INPP4B: variants seen among roughly 807,000 people sequenced by gnomAD.
The protein encoded by INPP4B is inositol polyphosphate 4-phosphatase type II.
In INPP4B, 55 loss-of-function variants were observed where a neutral mutation model predicts 122.5. That is an observed-to-expected ratio of 0.45 (90% CI 0.36 to 0.56). The LOEUF (loss-of-function observed/expected upper bound fraction) is 0.56, where lower values mean the gene tolerates loss of function less well. INPP4B is among the 20% of genes least tolerant of loss of function. INPP4B has a pLI of 0.00. For synonymous variants in INPP4B, 403 were observed against 388.7 expected (o/e 1.04, Z -0.43); for missense variants, 1,000 against 1,097.7 (o/e 0.91, Z 1.26).
chr4:142,063,863 C>G lies in INPP4B; in HGVS notation c.2642+18168G>C, dbSNP rs1762230583. ...TAAAGCATACTGCAAAGAAATGTGA[C>G]TTTCTTTTACCTTGCCATAAATAGA... On this transcript the variant is annotated intron_variant, in intron 25 of 25. Coordinates refer to ENST00000262992, the MANE Select transcript of INPP4B (RefSeq NM_001101669.3). 2.0e-5 allele frequency among the ~76,000 whole-genome samples: 3 copies of G among 152,090 alleles called. No homozygotes were observed. The South Asian group carries it at 6.2e-4, about 32-fold the overall frequency.
chr4:142,222,666 T>C (rs1849829322), intron 12 of INPP4B, among the ~76,000 whole-genome samples: 1 of 152,362 alleles, frequency 6.6e-6, no homozygotes, highest in East Asian at 1.9e-4. Context: ...AGCTCCTAAC[T>C]AATCTGAAGC....
intron 10 of INPP4B, among the ~76,000 whole-genome samples, chr4:142,263,976 C>A (rs1741551746): frequency 6.6e-6 from 1 of 151,726 alleles, no homozygotes; most frequent in South Asian, 2.1e-4. Flanking sequence ...AAAATAGGAG[C>A]TGGGGAGGAG....
Position 142,650,682 on chromosome 4 carries a change from A to G in INPP4B, c.-191+75157T>C, listed in dbSNP as rs147259119. ...ACAAGAAGAGCTAACTATCCTAAAT[A>G]TATATGCACCCAACACAGGAGCACC... On this transcript the variant is annotated intron_variant, in intron 2 of 25. Coordinates refer to ENST00000262992, the MANE Select transcript of INPP4B (RefSeq NM_001101669.3). 9.2e-3 allele frequency among the ~76,000 whole-genome samples: 1,406 copies of G among 152,328 alleles called. 20 individuals are homozygous for G. The highest frequency in any genetic ancestry group is 0.032 in the African/African-American group (1,344 of 41,570).
chr4:142,829,980 G>A (rs1346793945), intron 1 of INPP4B, among the ~76,000 whole-genome samples: 1 of 152,050 alleles, frequency 6.6e-6, no homozygotes, highest in Non-Finnish European at 1.5e-5. Flanking sequence ...ATAAAAATGA[G>A]ATGTTTAAGA....
chr4:142,739,754 G>GA (rs1767629965), intron 1 of INPP4B, among the ~76,000 whole-genome samples: 1 of 151,844 alleles, frequency 6.6e-6, no homozygotes, highest in African/African-American at 2.4e-5. Flanking sequence ...AGCAATGAAA[G>GA]AAAAAATAAT....
At chr4:142,785,527 T>C (rs1775636363) in intron 1 of INPP4B, among the ~76,000 whole-genome samples, 1 of 151,872 alleles carries the variant, frequency 6.6e-6, no homozygotes, top group African/African-American at 2.4e-5. Context: ...AAAAACGCGA[T>C]GATAGAAATT....
chr4:142,482,515 A>G (rs1820684573), intron 2 of INPP4B, among the ~76,000 whole-genome samples: 2 of 152,192 alleles, frequency 1.3e-5, no homozygotes, highest in African/African-American at 4.8e-5. Flanking sequence ...TGTATTGATC[A>G]CCATCCCTCC....
In INPP4B at chr4:142,662,464, G is replaced by C. The variant is rs965222922; in HGVS notation, c.-191+63375C>G. Among the ~76,000 whole-genome samples the C allele has an allele frequency of 2.0e-4, 30 of 152,214 alleles. 1 individual carries two copies. Among genetic ancestry groups the C allele is most frequent in the Admixed American group, 1.5e-3 (23 of 15,296 alleles). ...CAAAAATTTTCCCCTCTCTATTTCA[G>C]AGCATGGTGTTGATGACGCGGGGAG... On this transcript the variant is annotated intron_variant, in intron 2 of 25. Coordinates refer to ENST00000262992, the MANE Select transcript of INPP4B (RefSeq NM_001101669.3).
chr4:142,121,087 C>T (rs1796355230), intron 21 of INPP4B, among the ~76,000 whole-genome samples: 1 of 152,092 alleles, frequency 6.6e-6, no homozygotes, highest in South Asian at 2.1e-4. Flanking sequence ...TAGTGTTTCA[C>T]TTTTGATAGT....
At chr4:142,820,080 G>A (rs1334941383) in intron 1 of INPP4B, among the ~76,000 whole-genome samples, 3 of 152,010 alleles carry the variant, frequency 2.0e-5, no homozygotes, top group Admixed American at 2.0e-4. Flanking sequence ...ACATAAAACA[G>A]TGTACCTCCA....
chr4:142,131,008 C>T (rs1373893634), intron 18 of INPP4B, among the ~76,000 whole-genome samples: 1 of 152,198 alleles, frequency 6.6e-6, no homozygotes, highest in Non-Finnish European at 1.5e-5. Context: ...TCTGCTAAGA[C>T]AGTTTCCAGG....
rs546956743 is a variant in INPP4B, at chr4:142,209,617, AC to A, written c.837-592del. 2.8e-3 allele frequency among the ~76,000 whole-genome samples: 418 copies of A among 151,936 alleles called. 4 individuals are homozygous for A. The highest frequency in any genetic ancestry group is 6.8e-3 in the Middle Eastern group (2 of 292). ...AGACCAGCCTGGCCAACATGGTGAAACCCCATCTCTACTAAAAATACAAAAC... is the reference window on the plus strand; with the variant it reads ...AGACCAGCCTGGCCAACATGGTGAAACCCATCTCTACTAAAAATACAAAAC... On this transcript the variant is annotated intron_variant, in intron 12 of 25. Transcript: ENST00000262992.
intron 11 of INPP4B, among the ~76,000 whole-genome samples, chr4:142,256,348 T>A (rs1290370354): frequency 6.6e-6 from 1 of 150,792 alleles, no homozygotes; most frequent in Non-Finnish European, 1.5e-5. Flanking sequence ...AAGAAATAAC[T>A]AAAATCAGAG....
intron 12 of INPP4B, among the ~76,000 whole-genome samples, chr4:142,217,839 C>T (rs1847937949): frequency 6.6e-6 from 1 of 152,088 alleles, no homozygotes; most frequent in Admixed American, 6.6e-5. Context: ...TGACACTTCC[C>T]CCAAGTAAGA....
intron 2 of INPP4B, among the ~76,000 whole-genome samples, chr4:142,487,317 C>G (rs188489665): frequency 1.3e-5 from 2 of 152,164 alleles, no homozygotes; most frequent in African/African-American, 2.4e-5. Flanking sequence ...TAAAAATGGA[C>G]TAATACATTA....
intron 1 of INPP4B, among the ~76,000 whole-genome samples, chr4:142,750,716 GC>G (rs1388202321): frequency 6.6e-6 from 1 of 152,092 alleles, no homozygotes; most frequent in Admixed American, 6.6e-5. Flanking sequence ...AATTACAAGG[GC>G]CCCTTGGCAG....
intron 2 of INPP4B, among the ~76,000 whole-genome samples, chr4:142,491,849 G>A (rs892372387): frequency 1.4e-4 from 22 of 152,302 alleles, no homozygotes; most frequent in Middle Eastern, 3.4e-3. Flanking sequence ...AAGTACTGGA[G>A]GACAGACCAG....
At chr4:142,452,377 C>G (rs2087445) in intron 3 of INPP4B, among the ~76,000 whole-genome samples, 9 of 152,266 alleles carry the variant, frequency 5.9e-5, no homozygotes, top group African/African-American at 2.2e-4. Flanking sequence ...CCATCTGACT[C>G]GTTAGATTTT....
chr4:142,263,179 G>A (rs1740914718), intron 10 of INPP4B, among the ~76,000 whole-genome samples: 1 of 152,296 alleles, frequency 6.6e-6, no homozygotes, highest in African/African-American at 2.4e-5. Flanking sequence ...GATCATCTCT[G>A]CTGCAGGCAA....
Sources: gnomAD v4.1 joint callset for allele counts (sites outside exome capture counted in the v4.1 genomes callset) on GRCh38, gnomAD v4.1.1 for gene constraint, MANE v1.5 for transcripts, NCBI Gene and HGNC (gene_info 2026-07-23, HGNC 2026-07-21) for gene names.